The following HFM1 variants were observed in gnomAD, a reference collection of about 807,000 sequenced individuals.
HFM1 encodes probable ATP-dependent DNA helicase HFM1.
HFM1 carries 169 observed loss-of-function variants against 192.1 expected under a neutral mutation model. That is an observed-to-expected ratio of 0.88 (90% CI 0.78 to 1.00). HFM1 has a LOEUF of 1.00. Among genes scored for constraint, HFM1 ranks in the 50% least tolerant of loss-of-function variants. The pLI, the probability that HFM1 is intolerant of heterozygous loss-of-function variation, is 0.00. For missense variants in HFM1, 1,661 were observed against 1,668.0 expected (o/e 1.00, Z 0.07); for synonymous variants, 525 against 537.8 (o/e 0.98, Z 0.33).
chr1:91,326,348 A>C (rs1652899379), intron 20 of HFM1, among the ~76,000 whole-genome samples: 1 of 152,180 alleles, frequency 6.6e-6, no homozygotes, highest in Non-Finnish European at 1.5e-5. Context: ...AAGGATAAAG[A>C]AAGGATCCTA....
chr1:91,299,630 T>A (rs1354404737), intron 30 of HFM1, among the ~76,000 whole-genome samples: 1 of 152,106 alleles, frequency 6.6e-6, no homozygotes, highest in Non-Finnish European at 1.5e-5. Flanking sequence ...ATTAAGAAAT[T>A]CACTCAAAAC....
chr1:91,369,471 A>T (rs935958038), intron 13 of HFM1, among the ~76,000 whole-genome samples: 1 of 152,242 alleles, frequency 6.6e-6, no homozygotes, highest in African/African-American at 2.4e-5. Context: ...AACTACATGG[A>T]AACTGAACAA....
chr1:91,287,319 G>C lies in HFM1; in HGVS notation c.3392-10257C>G, dbSNP rs922844409. The stretch of plus-strand genomic sequence containing the variant: ...CAGCATGCAGCTGGAGATCTGAGAA[G>C]GGGCAGACTGCCTCCTCAAGTGAGT... On this transcript the variant is annotated intron_variant, in intron 30 of 38. Coordinates refer to ENST00000370425, the MANE Select transcript of HFM1 (RefSeq NM_001017975.6). 5.9e-3 allele frequency among the ~76,000 whole-genome samples: 903 copies of C among 152,288 alleles called. 7 individuals are homozygous for C. Among genetic ancestry groups the C allele is most frequent in the African/African-American group, 0.02 (834 of 41,556 alleles).
intron 20 of HFM1, among the ~76,000 whole-genome samples, chr1:91,331,087 T>A (rs1187585604): frequency 6.6e-6 from 1 of 152,208 alleles, no homozygotes; most frequent in Non-Finnish European, 1.5e-5. Flanking sequence ...ATGCCCACTT[T>A]CACCACTGTT....
chr1:91,332,333 T>TG (rs1272410434), intron 20 of HFM1, among the ~76,000 whole-genome samples: 1 of 152,026 alleles, frequency 6.6e-6, no homozygotes, highest in African/African-American at 2.4e-5. Context: ...TTGACAAAGG[T>TG]GCCAAGAACA....
chr1:91,301,014 A>ATGAT (rs201326589), intron 30 of HFM1, among the ~76,000 whole-genome samples: 3,894 of 152,360 alleles, frequency 0.026, 17 homozygotes, highest in African/African-American at 0.034. Flanking sequence ...TGCAGATGAC[A>ATGAT]TGATTGTATA....
chr1:91,322,307 C>A lies in HFM1; in HGVS notation c.2582+643G>T, dbSNP rs1199418462. Among the ~76,000 whole-genome samples, 5 of 152,252 alleles carry A rather than the reference C, an allele frequency of 3.3e-5. No homozygotes were observed. In the East Asian group the frequency reaches 7.7e-4, roughly 24 times the overall value. ...TCTAGCTATGGAGGAAAAAGAAATT[C>A]TTTGGCTAATTGGTTTTATTGAGCC... On this transcript the variant is annotated intron_variant, in intron 23 of 38. Transcript: ENST00000370425.
chr1:91,295,015 T>A (rs693299), intron 30 of HFM1, among the ~76,000 whole-genome samples: 70,775 of 151,916 alleles, frequency 0.47, 17,310 homozygotes, highest in African/African-American at 0.62. Flanking sequence ...TTGTTATATA[T>A]CCTTATCAAT....
At chr1:91,375,783 T>C in intron 11 of HFM1, 56 bp from the exon 12 acceptor site, 1 of 1,441,562 alleles carries the variant, frequency 6.9e-7, no homozygotes, top group South Asian at 1.2e-5. Flanking sequence ...GTTTTATTGC[T>C]AAAAACAACC....
At chr1:91,375,269 C>T (rs1312989497) in intron 13 of HFM1, 89 bp downstream of exon 13, 2 of 852,650 alleles carry the variant, frequency 2.3e-6, no homozygotes, top group Non-Finnish European at 3.7e-6. Flanking sequence ...AGGTTTACCC[C>T]AAGGTTATGG....
chr1:91,392,953 A>T (rs1242253206), intron 4 of HFM1, among the ~76,000 whole-genome samples: 1 of 152,200 alleles, frequency 6.6e-6, no homozygotes, highest in African/African-American at 2.4e-5. Context: ...TTAATTAGTA[A>T]GGAATTTATT....
intron 13 of HFM1, among the ~76,000 whole-genome samples, chr1:91,371,213 A>T (rs946420050): frequency 2.0e-5 from 3 of 152,002 alleles, no homozygotes; most frequent in Non-Finnish European, 4.4e-5. Flanking sequence ...GCTACAAATG[A>T]CTTTCTTCAC....
In HFM1 at chr1:91,262,294, T is replaced by A. The variant is rs760369118; in HGVS notation, c.4185A>T (p.Lys1395Asn). The A allele has an allele frequency of 6.7e-7, 1 of 1,492,166 alleles. No homozygotes were observed. Among genetic ancestry groups the A allele is most frequent in the Non-Finnish European group, 9.2e-7 (1 of 1,092,178 alleles). The allele number at this position is 1,492,166 out of a possible 1,614,324, so 92.4% of individuals were successfully genotyped here. ...SEKNPNSSNY[K>N]KVDFFIRNSE... ...TGTTTCTAATAAAAAAATCCACTTT[T>A]TTATAATTTGAAGAATTTGGGTTTT... Residue 1395 changes from lysine (K) to asparagine (N), a missense_variant, in exon 38 of 39, where the codon AAA becomes AAT. By Grantham distance (94) the Lys-to-Asn change is moderately conservative. Coordinates refer to ENST00000370425, the MANE Select transcript of HFM1 (RefSeq NM_001017975.6).
chr1:91,262,065 G>T (rs1665212056), intron 38 of HFM1, 176 bp downstream of exon 38: 4 of 383,238 alleles, frequency 1.0e-5, no homozygotes, highest in Non-Finnish European at 1.9e-5. Flanking sequence ...TGAGGTATAT[G>T]ATGTTTGAAA....
chr1:91,347,609 AC>A lies in HFM1; in HGVS notation c.2207-134del, dbSNP rs1656315041. ...AAAAATCTCAGCTGATTGAGTTCAA[AC>A]AAGGCTTAAATATCCACAGAAACAA... On this transcript the variant is annotated intron_variant, in intron 18 of 38. Coordinates refer to ENST00000370425, the MANE Select transcript of HFM1 (RefSeq NM_001017975.6). The A allele has an allele frequency of 1.3e-5, 6 of 462,014 alleles. No homozygotes were observed. The South Asian group carries it at 2.9e-4, about 22-fold the overall frequency. The allele number at this position is 462,014 out of a possible 1,614,324, so 28.6% of individuals were successfully genotyped here. A position where few individuals can be genotyped will look rare whatever the true frequency, so the allele number is the denominator to read the frequency against.
chr1:91,303,934 C>G (rs1649223264), intron 30 of HFM1, among the ~76,000 whole-genome samples: 1 of 152,100 alleles, frequency 6.6e-6, no homozygotes, highest in Non-Finnish European at 1.5e-5. Flanking sequence ...CAACCTCTAC[C>G]TCCTGAGTTC....
rs114008934 is a variant in HFM1, at chr1:91,388,938, A to G, written c.495-3104T>C. Among the ~76,000 whole-genome samples, 1,329 of 151,182 alleles carry G rather than the reference A, an allele frequency of 8.8e-3. 8 individuals carry two copies. The highest frequency in any genetic ancestry group is 0.015 in the Non-Finnish European group (989 of 68,004). On this transcript the variant is annotated intron_variant, in intron 4 of 38. Transcript: ENST00000370425. ...GGGAATAAAGAACTCTTAAAACTCA[A>G]CAATTAAAAGACAAATAGCCCAATT...
chr1:91,339,058 C>G, intron 20 of HFM1: 2 of 454,790 alleles, frequency 4.4e-6, no homozygotes. Context: ...CAACTAAACC[C>G]AACTTATGCC....
At chr1:91,270,947 G>T (rs1288198977) in intron 34 of HFM1, among the ~76,000 whole-genome samples, 4 of 152,138 alleles carry the variant, frequency 2.6e-5, no homozygotes, top group Non-Finnish European at 5.9e-5. Context: ...GCAAGAGATA[G>T]AGGGTATGGG....
Sources: gnomAD v4.1 joint callset for allele counts (sites outside exome capture counted in the v4.1 genomes callset) on GRCh38, gnomAD v4.1.1 for gene constraint, MANE v1.5 for transcripts, NCBI Gene and HGNC (gene_info 2026-07-23, HGNC 2026-07-21) for gene names.